PRKCZ: variants seen among roughly 807,000 people sequenced by gnomAD.
PRKCZ encodes protein kinase C zeta type.
Under a neutral mutation model 79.5 loss-of-function variants are expected in PRKCZ, and 33 were observed. That is an observed-to-expected ratio of 0.41 (90% CI 0.31 to 0.55). The LOEUF (loss-of-function observed/expected upper bound fraction) is 0.55. Ranked by LOEUF, PRKCZ falls within the 20% of genes least tolerant of loss-of-function variation. PRKCZ has a pLI of 0.19. For synonymous variants in PRKCZ, 342 were observed against 320.9 expected (o/e 1.07, Z -0.70); for missense variants, 578 against 813.5 (o/e 0.71, Z 3.52).
chr1:2,165,086 A>G lies in PRKCZ; in HGVS notation c.975-4432A>G, dbSNP rs1052595053. Among the ~76,000 whole-genome samples the G allele has an allele frequency of 6.6e-6, 1 of 152,122 alleles. No homozygotes were observed. The highest frequency in any genetic ancestry group is 1.5e-5 in the Non-Finnish European group (1 of 68,018). On this transcript the variant is annotated intron_variant, in intron 10 of 17. Coordinates refer to ENST00000378567, the MANE Select transcript of PRKCZ (RefSeq NM_002744.6). The surrounding 1 kb of genome is among the most constrained non-coding windows in gnomAD (Gnocchi z 4.1). ...TTTCCTGGGCACTTTCTGGCCTTTTATCTTTGATGGAGAAATCCGAGGCCT... is the reference window on the plus strand; with the variant it reads ...TTTCCTGGGCACTTTCTGGCCTTTTGTCTTTGATGGAGAAATCCGAGGCCT...
intron 4 of PRKCZ, among the ~76,000 whole-genome samples, chr1:2,084,180 C>G (rs533219351): frequency 5.5e-4 from 83 of 152,194 alleles, no homozygotes; most frequent in Non-Finnish European, 1.1e-3. Flanking sequence ...GCGGAGGTTG[C>G]GGTGAGCCAA....
intron 4 of PRKCZ, among the ~76,000 whole-genome samples, chr1:2,126,583 C>A (rs569009886): frequency 1.3e-5 from 2 of 152,132 alleles, no homozygotes; most frequent in African/African-American, 4.8e-5. Flanking sequence ...GAAATGCCCT[C>A]ATTTGATTGG....
intron 4 of PRKCZ, among the ~76,000 whole-genome samples, chr1:2,091,731 G>C (rs1665535029): frequency 6.6e-6 from 1 of 152,082 alleles, no homozygotes; most frequent in African/African-American, 2.4e-5. Context: ...TGTCCTGTGG[G>C]GTGGTTGACC....
At chr1:2,108,770 TC>T (rs780021621) in intron 4 of PRKCZ, among the ~76,000 whole-genome samples, 3 of 152,204 alleles carry the variant, frequency 2.0e-5, no homozygotes, top group African/African-American at 7.2e-5. Flanking sequence ...TGGATGAACT[TC>T]CTGCGGCCGC....
rs139578103 is a variant in PRKCZ, at chr1:2,080,401, G to A, written c.334+20810G>A. Among the ~76,000 whole-genome samples the A allele has an allele frequency of 8.0e-4, 122 of 152,184 alleles. 3 individuals are homozygous for A. The East Asian group carries it at 0.023, about 29-fold the overall frequency. On this transcript the variant is annotated intron_variant, in intron 4 of 17. Coordinates refer to ENST00000378567, the MANE Select transcript of PRKCZ (RefSeq NM_002744.6). Reference sequence around the variant, plus strand: ...CGTCCCACTGCTCTGCATCCTGAGGGGCCGGAGGGTGTGGTGCAGGGTTTT... The same window carrying A: ...CGTCCCACTGCTCTGCATCCTGAGGAGCCGGAGGGTGTGGTGCAGGGTTTT...
At position 2,057,878 on chromosome 1, in the gene PRKCZ, T is replaced by C. The variant is rs181877424; in HGVS notation, c.283+1305T>C. 6.3e-3 allele frequency among the ~76,000 whole-genome samples: 942 copies of C among 149,720 alleles called. 8 individuals carry two copies. Among genetic ancestry groups the C allele is most frequent in the African/African-American group, 0.022 (899 of 40,618 alleles). On this transcript the variant is annotated intron_variant, in intron 3 of 17. Coordinates refer to ENST00000378567, the MANE Select transcript of PRKCZ (RefSeq NM_002744.6). ...TGCCACCACACTTGGCTAATTTTTTTTTTTTTTTAGTTGGAGTCTCGCTCT... is the reference window on the plus strand; with the variant it reads ...TGCCACCACACTTGGCTAATTTTTTCTTTTTTTTAGTTGGAGTCTCGCTCT...
Position 2,113,953 on chromosome 1 carries a change from G to A in PRKCZ, c.335-21309G>A, listed in dbSNP as rs1397235120. ...CGGGGGCCCAGCCCACAGCATCCATGCCCTGGGGATTGGGTGCCACCGGTC... is the reference window on the plus strand; with the variant it reads ...CGGGGGCCCAGCCCACAGCATCCATACCCTGGGGATTGGGTGCCACCGGTC... On this transcript the variant is annotated intron_variant, in intron 4 of 17. Coordinates refer to ENST00000378567, the MANE Select transcript of PRKCZ (RefSeq NM_002744.6). Among the ~76,000 whole-genome samples the A allele has an allele frequency of 2.6e-5, 4 of 152,168 alleles. No individual in the cohort carries two copies. In the East Asian group the frequency reaches 7.7e-4, roughly 29 times the overall value.
chr1:2,118,971 A>G (rs771512202), intron 4 of PRKCZ, among the ~76,000 whole-genome samples: 4 of 152,060 alleles, frequency 2.6e-5, no homozygotes, highest in South Asian at 2.1e-4. Context: ...TCATCTTGCT[A>G]TGGGTCCTTA....
chr1:2,180,624 G>T (rs1184016585), intron 16 of PRKCZ, among the ~76,000 whole-genome samples: 2 of 152,200 alleles, frequency 1.3e-5, no homozygotes, highest in Non-Finnish European at 2.9e-5. Context: ...CAGATCCCCA[G>T]ACGACTCAGA....
chr1:2,159,327 C>T (rs138278323), intron 10 of PRKCZ, among the ~76,000 whole-genome samples: 313 of 152,394 alleles, frequency 2.1e-3, no homozygotes, highest in Middle Eastern at 0.01. Context: ...CCTCTGCTCC[C>T]TGGTCACTGG....
At chr1:2,096,657 G>A (rs907376137) in intron 4 of PRKCZ, among the ~76,000 whole-genome samples, 2 of 152,148 alleles carry the variant, frequency 1.3e-5, no homozygotes, top group Admixed American at 6.5e-5. Flanking sequence ...GCCATGGTCC[G>A]GAGCGGCCCT....
Position 2,173,881 on chromosome 1 carries a change from G to A in PRKCZ, c.1286-16G>A. 1 of 1,582,226 alleles carries A rather than the reference G, an allele frequency of 6.3e-7. No individual in the cohort carries two copies. Among genetic ancestry groups the A allele is most frequent in the Non-Finnish European group, 8.6e-7 (1 of 1,161,710 alleles). ...CATGTGGCCCCACTCGGTGATGGCT[G>A]TGTGCTCTCCCCCAGGGTTCAGCGT... On this transcript the variant is annotated splice_polypyrimidine_tract_variant and intron_variant, in intron 13 of 17. Coordinates refer to ENST00000378567, the MANE Select transcript of PRKCZ (RefSeq NM_002744.6). The surrounding 1 kb of genome is among the most constrained non-coding windows in gnomAD (Gnocchi z 5.7).
chr1:2,114,542 G>A (rs1670359211), intron 4 of PRKCZ, among the ~76,000 whole-genome samples: 1 of 152,222 alleles, frequency 6.6e-6, no homozygotes, highest in Non-Finnish European at 1.5e-5. Context: ...TTGGGAGGCC[G>A]AGGCGGGTAG....
intron 4 of PRKCZ, among the ~76,000 whole-genome samples, chr1:2,072,532 C>T (rs1332964392): frequency 1.5e-5 from 2 of 136,986 alleles, no homozygotes; most frequent in South Asian, 2.4e-4. Context: ...GGCATTGGGT[C>T]GGCCAGGTGG....
At position 2,169,557 on chromosome 1, in the gene PRKCZ, G is replaced by C. The variant is rs1169644809; in HGVS notation, c.1014G>C (p.Leu338=). 4 of 1,539,404 alleles carry C rather than the reference G, an allele frequency of 2.6e-6. No homozygotes were observed. The highest frequency in any genetic ancestry group is 4.9e-5 in the East Asian group (2 of 40,548). ...TTGAGTACGTCAACGGCGGGGACCT[G>C]ATGTTCCACATGCAGAGGCAGAGGA... is the stretch of plus-strand genomic sequence containing the variant. The part of the protein sequence containing the change: ...LVIEYVNGGD[L]MFHMQRQRKL... Residue 338 remains leucine (L), a synonymous_variant, in exon 11 of 18, where the codon CTG becomes CTC. Coordinates refer to ENST00000378567, the MANE Select transcript of PRKCZ (RefSeq NM_002744.6).
chr1:2,176,173 G>A (rs758356518), intron 16 of PRKCZ, among the ~76,000 whole-genome samples: 164 of 152,162 alleles, frequency 1.1e-3, no homozygotes, highest in Non-Finnish European at 3.5e-4. Flanking sequence ...CCAGCTGGCC[G>A]TATGAGGTCA....
intron 4 of PRKCZ, among the ~76,000 whole-genome samples, chr1:2,107,711 T>A (rs1372902437): frequency 1.3e-5 from 2 of 151,822 alleles, no homozygotes; most frequent in Admixed American, 1.3e-4. Flanking sequence ...CTACCCGGGC[T>A]GTGCCTCTCC....
rs3737633 is a variant in PRKCZ, at chr1:2,169,620, C to T, written c.1061+16C>T. The T allele has an allele frequency of 2.5e-5, 32 of 1,256,920 alleles. No individual in the cohort carries two copies. Among genetic ancestry groups the T allele is most frequent in the Middle Eastern group, 2.8e-4 (1 of 3,556 alleles). The allele number at this position is 1,256,920 out of a possible 1,614,324, so 77.9% of individuals were successfully genotyped here. ...AGCACGCCAGGTGGGTGCGCGTGGA[C>T]GGGGCCGGGTGGGTGCGCCCGGAGT... On this transcript the variant is annotated intron_variant, in intron 11 of 17. Coordinates refer to ENST00000378567, the MANE Select transcript of PRKCZ (RefSeq NM_002744.6).
chr1:2,147,327 C>T (rs1271251197), intron 7 of PRKCZ, among the ~76,000 whole-genome samples: 1 of 152,076 alleles, frequency 6.6e-6, no homozygotes, highest in African/African-American at 2.4e-5. Flanking sequence ...ATCTTTCCAT[C>T]TGTTGTCCAC....
Sources: allele counts gnomAD v4.1 joint callset (sites outside exome capture counted in the v4.1 genomes callset), GRCh38; gene constraint gnomAD v4.1.1; non-coding constraint Gnocchi (gnomAD v3.1); transcripts MANE v1.5; gene names NCBI Gene and HGNC (gene_info 2026-07-23, HGNC 2026-07-21).